KCNK2: variants seen among roughly 807,000 people sequenced by gnomAD.
KCNK2 encodes potassium two pore domain channel subfamily K member 2, also known as potassium channel subfamily K member 2.
KCNK2 carries 21 observed loss-of-function variants against 40.5 expected under a neutral mutation model. That is an observed-to-expected ratio of 0.52 (90% CI 0.37 to 0.75). KCNK2 has a LOEUF of 0.75. Among genes scored for constraint, KCNK2 ranks in the 30% least tolerant of loss-of-function variants. The probability of loss-of-function intolerance (pLI) is 0.00; values close to 1 mark genes in which losing one functional copy is unlikely to be tolerated. For missense variants in KCNK2, 399 were observed against 531.6 expected, an observed-to-expected ratio of 0.75 and a Z score of 2.45; for synonymous variants, 191 against 202.2, an observed-to-expected ratio of 0.94 and a Z score of 0.47.
intron 1 of KCNK2, among the ~76,000 whole-genome samples, chr1:215,074,691 G>T (rs149942139): frequency 6.6e-6 from 1 of 152,132 alleles, no homozygotes; most frequent in Non-Finnish European, 1.5e-5. Flanking sequence ...TGATATAATT[G>T]CTTTGCCTAG....
intron 1 of KCNK2, among the ~76,000 whole-genome samples, chr1:215,035,005 C>G (rs745754421): frequency 5.9e-5 from 9 of 152,018 alleles, no homozygotes; most frequent in Non-Finnish European, 1.2e-4. Flanking sequence ...CCATTACCTA[C>G]AATTTATTTA....
intron 6 of KCNK2, among the ~76,000 whole-genome samples, chr1:215,209,279 C>A (rs1665463850): frequency 9.7e-6 from 1 of 102,846 alleles, no homozygotes; most frequent in African/African-American, 4.1e-5. Context: ...TATAAATATA[C>A]ACATATTTTA....
intron 4 of KCNK2, 42 bp downstream of exon 4, chr1:215,169,401 A>G (rs756211670): frequency 6.9e-7 from 1 of 1,455,666 alleles, no homozygotes; most frequent in Non-Finnish European, 9.3e-7. Flanking sequence ...TTATTGTTTG[A>G]TTTTTTTAAA....
chr1:215,009,363 T>C (rs2102469063), intron 1 of KCNK2, among the ~76,000 whole-genome samples: 1 of 152,250 alleles, frequency 6.6e-6, no homozygotes, highest in African/African-American at 2.4e-5. Flanking sequence ...AAAATTACTG[T>C]ATTTGTGAGA....
intron 1 of KCNK2, among the ~76,000 whole-genome samples, chr1:215,065,247 C>T (rs927563720): frequency 4.6e-5 from 7 of 152,222 alleles, no homozygotes; most frequent in South Asian, 4.1e-4. Context: ...ACAAAGCCAG[C>T]GGCTGTCATC....
intron 5 of KCNK2, among the ~76,000 whole-genome samples, chr1:215,183,056 G>A (rs972569229): frequency 1.3e-5 from 2 of 152,080 alleles, no homozygotes; most frequent in Non-Finnish European, 2.9e-5. Flanking sequence ...CGGGTTCTGG[G>A]GTTTCCTACA....
In KCNK2 at chr1:215,210,011, AATATATAATATATATT is replaced by A. The variant is rs1264755746; in HGVS notation, c.963+14935_963+14950del. The stretch of plus-strand genomic sequence containing the variant: ...ATAATATATAATATATATTATATAT[AATATATAATATATATT>A]ATATATAATATATATAATATATATA... On this transcript the variant is annotated intron_variant, in intron 6 of 6. Coordinates refer to ENST00000444842, the MANE Select transcript of KCNK2 (RefSeq NM_001017425.3). Among the ~76,000 whole-genome samples the A allele has an allele frequency of 9.0e-5, 2 of 22,146 alleles. 1 individual carries two copies. Among genetic ancestry groups the A allele is most frequent in the African/African-American group, 4.7e-4 (2 of 4,260 alleles). The allele number at this position is 22,146 out of a possible 152,430, so 14.5% of individuals were successfully genotyped here.
chr1:215,131,768 A>T (rs968874336), intron 3 of KCNK2, among the ~76,000 whole-genome samples: 1 of 152,052 alleles, frequency 6.6e-6, no homozygotes, highest in African/African-American at 2.4e-5. Context: ...CCTTAGAGCA[A>T]CATTTCTCAT....
intron 1 of KCNK2, among the ~76,000 whole-genome samples, chr1:215,017,904 G>T (rs2841608): frequency 0.56 from 85,103 of 151,928 alleles, 25,515 homozygotes; most frequent in South Asian, 0.78. Context: ...TGCCAAAAAT[G>T]GTGGGCAGAT....
intron 1 of KCNK2, among the ~76,000 whole-genome samples, chr1:215,007,037 A>ATATATATGTGTG (rs1330420661): frequency 7.8e-5 from 4 of 51,600 alleles, no homozygotes; most frequent in East Asian, 7.0e-4. Flanking sequence ...ATATATATAT[A>ATATATATGTGTG]TGTGTGTGTG....
intron 3 of KCNK2, among the ~76,000 whole-genome samples, chr1:215,161,378 G>T (rs532168708): frequency 6.6e-6 from 1 of 150,966 alleles, no homozygotes; most frequent in Non-Finnish European, 1.5e-5. Flanking sequence ...TCTGCTACTT[G>T]GGAAACTTTT....
intron 1 of KCNK2, among the ~76,000 whole-genome samples, chr1:215,015,509 T>C (rs1488592114): frequency 6.6e-6 from 1 of 152,148 alleles, no homozygotes; most frequent in East Asian, 1.9e-4. Context: ...TAACTCTTTA[T>C]CCATTCATGA....
At chr1:215,096,412 ATC>A (rs1659979040) in intron 2 of KCNK2, among the ~76,000 whole-genome samples, 1 of 151,976 alleles carries the variant, frequency 6.6e-6, no homozygotes, top group African/African-American at 2.4e-5. Context: ...TGATATTTTG[ATC>A]CAAGCATACA....
At chr1:215,214,728 A>G (rs1665887583) in intron 6 of KCNK2, among the ~76,000 whole-genome samples, 1 of 152,112 alleles carries the variant, frequency 6.6e-6, no homozygotes, top group Non-Finnish European at 1.5e-5. Flanking sequence ...CAGGAGGCTG[A>G]GGTGGGAGGA....
At chr1:215,128,503 A>C (rs1661532711) in intron 3 of KCNK2, among the ~76,000 whole-genome samples, 1 of 152,234 alleles carries the variant, frequency 6.6e-6, no homozygotes, top group Admixed American at 6.5e-5. Flanking sequence ...AAATGACTGA[A>C]GAATAACAAA....
rs368450662 is a variant in KCNK2 at position 215,059,057 on chromosome 1, G to GTA, written c.35-27300_35-27299dup. Among the ~76,000 whole-genome samples, 73 of 147,294 alleles carry GTA rather than the reference G, an allele frequency of 5.0e-4. No homozygotes were observed. The East Asian group carries it at 9.3e-3, about 19-fold the overall frequency. On this transcript the variant is annotated intron_variant, in intron 1 of 6. Coordinates refer to the KCNK2 transcript ENST00000391895. ...TGTGTGTGTATGCACATATACATGT[G>GTA]TATATATATATACACACATACATAT...
intron 1 of KCNK2, among the ~76,000 whole-genome samples, chr1:215,033,347 G>A (rs898448314): frequency 3.5e-4 from 53 of 151,932 alleles, no homozygotes; most frequent in African/African-American, 1.3e-3. Flanking sequence ...CATCTCAGCA[G>A]CCCTGCCATA....
intron 6 of KCNK2, among the ~76,000 whole-genome samples, chr1:215,209,224 T>A (rs1665454024): frequency 7.6e-6 from 1 of 131,224 alleles, no homozygotes; most frequent in South Asian, 2.2e-4. Flanking sequence ...CATATTTTTA[T>A]ATATAAAATA....
intron 3 of KCNK2, among the ~76,000 whole-genome samples, chr1:215,138,288 T>A (rs1360226981): frequency 6.6e-6 from 1 of 152,186 alleles, no homozygotes; most frequent in Non-Finnish European, 1.5e-5. Flanking sequence ...CTGAGTTGTT[T>A]TCTGTAAATA....
Sources: allele counts gnomAD v4.1 joint callset (sites outside exome capture counted in the v4.1 genomes callset), GRCh38; gene constraint gnomAD v4.1.1; transcripts MANE v1.5; gene names NCBI Gene and HGNC (gene_info 2026-07-23, HGNC 2026-07-21).